The following FREM1 variants were observed in gnomAD, a reference collection of about 807,000 sequenced individuals.
FREM1 encodes FRAS1 related extracellular matrix 1.
Under a neutral mutation model 210.1 loss-of-function variants are expected in FREM1, and 220 were observed. The observed-to-expected ratio is 1.05, with a 90% CI of 0.94 to 1.17. FREM1 has a LOEUF of 1.17. Among genes scored for constraint, FREM1 ranks in the 50% most tolerant of loss-of-function variants. FREM1 has a pLI of 0.00. For synonymous variants in FREM1, 1,189 were observed against 980.2 expected (o/e 1.21, Z -3.98); for missense variants, 3,454 against 2,675.5 (o/e 1.29, Z -6.42).
chr9:14,795,140 A>G (rs567783570), intron 21 of FREM1, among the ~76,000 whole-genome samples: 1 of 152,328 alleles, frequency 6.6e-6, no homozygotes, highest in Admixed American at 6.5e-5. Context: ...TATTTTTACA[A>G]TTAGGATATC....
Position 14,737,441 on chromosome 9 carries a change from A to G in FREM1, c.6495T>C (p.Cys2165=), listed in dbSNP as rs763283989. ...QRQGKWQTKD[C]RRAKPHNYVC... Reference sequence around the variant, plus strand: ...CATAATTATGAGGTTTGGCTCTCCTACAGTCTTTTGTTTGCCATTTCCCTT... The same window carrying G: ...CATAATTATGAGGTTTGGCTCTCCTGCAGTCTTTTGTTTGCCATTTCCCTT... The change falls in exon 37 of 37, where the codon TGT becomes TGC. Residue 2165 remains cysteine, a synonymous_variant. Coordinates refer to ENST00000380880, the MANE Select transcript of FREM1 (RefSeq NM_001379081.2). The G allele has an allele frequency of 6.2e-6, 10 of 1,613,698 alleles. No individual in the cohort carries two copies. Among genetic ancestry groups the G allele is most frequent in the African/African-American group, 1.3e-5 (1 of 74,888 alleles).
intron 2 of FREM1, among the ~76,000 whole-genome samples, chr9:14,866,309 T>C (rs577828692): frequency 6.2e-4 from 95 of 152,330 alleles, no homozygotes; most frequent in African/African-American, 2.2e-3. Flanking sequence ...TTCTAGTCAC[T>C]TGGATCCCTT....
intron 28 of FREM1, 48 bp from the exon 29 acceptor site, chr9:14,756,494 C>T (rs777268511): frequency 2.2e-5 from 29 of 1,324,864 alleles, no homozygotes; most frequent in Admixed American, 6.0e-5. Flanking sequence ...AAATATTCTA[C>T]AATAGAGAAA....
intron 1 of FREM1, among the ~76,000 whole-genome samples, chr9:14,877,921 A>G (rs1253077133): frequency 6.6e-6 from 1 of 152,162 alleles, no homozygotes; most frequent in Non-Finnish European, 1.5e-5. Flanking sequence ...ATAAAAAGTT[A>G]ATACACTCTT....
intron 1 of FREM1, among the ~76,000 whole-genome samples, chr9:14,886,078 T>G (rs983449445): frequency 5.9e-5 from 9 of 152,150 alleles, no homozygotes; most frequent in African/African-American, 2.2e-4. Flanking sequence ...GTCTTACAAG[T>G]ACCCTAAAGT....
In FREM1 at chr9:14,816,776, AC is replaced by A; in HGVS notation, c.2640+1del. On this transcript the variant is annotated splice_donor_variant, in intron 15 of 36. Coordinates refer to ENST00000380880, the MANE Select transcript of FREM1 (RefSeq NM_001379081.2). LOFTEE classifies it high-confidence loss of function. ...AACCCAGGGAAGAAACTTTCTACCC[AC>A]CTCAACATGTAGTACAAATTCTGCT... 7.2e-7 allele frequency: 1 copy of A among 1,386,216 alleles called. No individual in the cohort carries two copies. Among genetic ancestry groups the A allele is most frequent in the Middle Eastern group, 1.9e-4 (1 of 5,334 alleles). 85.9% of individuals were successfully genotyped at this position (1,386,216 alleles called of 1,614,324 possible).
chr9:14,785,657 A>T (rs1203714379), intron 23 of FREM1, among the ~76,000 whole-genome samples: 1 of 152,032 alleles, frequency 6.6e-6, no homozygotes, highest in Non-Finnish European at 1.5e-5. Flanking sequence ...AACCTTGGGG[A>T]CATTATGCTA....
intron 10 of FREM1, among the ~76,000 whole-genome samples, chr9:14,834,936 C>T (rs1185925460): frequency 1.3e-5 from 2 of 152,136 alleles, no homozygotes; most frequent in Non-Finnish European, 2.9e-5. Context: ...CATTCACAGA[C>T]AATTGTTGTC....
rs1564023201 is a variant in FREM1 at position 14,828,648 on chromosome 9, G to GC, written c.1882-3657_1882-3656insG. On this transcript the variant is annotated intron_variant, in intron 10 of 36. Transcript: ENST00000380880. The stretch of plus-strand genomic sequence containing the variant: ...GAACATAAATTGTGGCGGGGCGGGG[G>GC]AGGTGCCGGGGTAGAATGTTATGGC... Among the ~76,000 whole-genome samples, 59 of 127,840 alleles carry GC rather than the reference G, an allele frequency of 4.6e-4. 3 individuals are homozygous for GC. The East Asian group carries it at 0.012, about 27-fold the overall frequency. The allele number at this position is 127,840 out of a possible 152,430, so 83.9% of individuals were successfully genotyped here. A position where few individuals can be genotyped will look rare whatever the true frequency, so the allele number is the denominator to read the frequency against.
At chr9:14,835,587 C>CT (rs1216129355) in intron 10 of FREM1, among the ~76,000 whole-genome samples, 2 of 152,166 alleles carry the variant, frequency 1.3e-5, no homozygotes, top group Admixed American at 6.5e-5. Context: ...GGTCTGGAAG[C>CT]TATGAGTTTA....
intron 1 of FREM1, among the ~76,000 whole-genome samples, chr9:14,900,937 T>C (rs890113651): frequency 6.6e-6 from 1 of 152,134 alleles, no homozygotes; most frequent in African/African-American, 2.4e-5. Flanking sequence ...CTTTGCTAAA[T>C]TAGCAAAATT....
chr9:14,741,260 T>C (rs1416080623), intron 35 of FREM1, among the ~76,000 whole-genome samples: 1 of 152,228 alleles, frequency 6.6e-6, no homozygotes, highest in Non-Finnish European at 1.5e-5. Flanking sequence ...TTTAATTTTA[T>C]TTATTTTGCC....
intron 1 of FREM1, among the ~76,000 whole-genome samples, chr9:14,880,694 C>T (rs1834642417): frequency 6.6e-6 from 1 of 150,914 alleles, no homozygotes; most frequent in African/African-American, 2.4e-5. Flanking sequence ...TGAAACAAAT[C>T]TTATTGTGTT....
intron 1 of FREM1, among the ~76,000 whole-genome samples, chr9:14,894,466 T>A (rs12005454): frequency 2.6e-5 from 4 of 152,114 alleles, no homozygotes; most frequent in African/African-American, 9.7e-5. Flanking sequence ...TAAATGCAGG[T>A]TTCTAATAAC....
intron 1 of FREM1, among the ~76,000 whole-genome samples, chr9:14,872,947 T>C (rs1480428369): frequency 4.0e-5 from 6 of 150,526 alleles, no homozygotes; most frequent in African/African-American, 1.5e-4. Flanking sequence ...TTGTCTTTGG[T>C]TCTGTTTATA....
At chr9:14,823,799 G>C (rs1821819399) in intron 12 of FREM1, among the ~76,000 whole-genome samples, 1 of 152,108 alleles carries the variant, frequency 6.6e-6, no homozygotes, top group African/African-American at 2.4e-5. Flanking sequence ...ACAAAAGTCT[G>C]TTTTCAGTAA....
intron 27 of FREM1, among the ~76,000 whole-genome samples, chr9:14,765,123 G>A (rs1288552399): frequency 6.6e-6 from 1 of 152,138 alleles, no homozygotes; most frequent in East Asian, 1.9e-4. Flanking sequence ...TAATCAAGTA[G>A]CATGTGACAA....
chr9:14,823,175 G>C lies in FREM1; in HGVS notation c.2322C>G (p.Asp774Glu). The C allele has an allele frequency of 3.1e-6, 5 of 1,613,598 alleles. No homozygotes were observed. The highest frequency in any genetic ancestry group is 3.4e-6 in the Non-Finnish European group (4 of 1,179,592). ...TTGTACATACCTCAGGAACTTGATT[G>C]TCCACTGGGAGGATTGTAATGTTAA... is the stretch of plus-strand genomic sequence containing the variant. ...ICFNITILPV[D>E]NQVPEAFTNP... Residue 774 changes from aspartate to glutamate, a missense_variant, in exon 13 of 37, where the codon GAC becomes GAG. Asp to Glu is a conservative substitution (Grantham distance 45). Coordinates refer to ENST00000380880, the MANE Select transcript of FREM1 (RefSeq NM_001379081.2).
At chr9:14,796,392 C>T (rs1257604810) in intron 21 of FREM1, among the ~76,000 whole-genome samples, 1 of 152,234 alleles carries the variant, frequency 6.6e-6, no homozygotes, top group African/African-American at 2.4e-5. Context: ...TCCCCTAAAA[C>T]TCTGTTCAGT....
Sources: allele counts gnomAD v4.1 joint callset (sites outside exome capture counted in the v4.1 genomes callset), GRCh38; gene constraint gnomAD v4.1.1; transcripts MANE v1.5; gene names NCBI Gene and HGNC (gene_info 2026-07-23, HGNC 2026-07-21).